SNX14: variants seen among roughly 807,000 people sequenced by gnomAD.
The protein encoded by SNX14 is sorting nexin 14, also known as sorting nexin-14.
In SNX14, 93 loss-of-function variants were observed where a neutral mutation model predicts 133.8. That is an observed-to-expected ratio of 0.70 (90% CI 0.59 to 0.83). The LOEUF (loss-of-function observed/expected upper bound fraction) is 0.83. Ranked by LOEUF, SNX14 falls within the 40% of genes least tolerant of loss-of-function variation. SNX14 has a pLI of 0.00. For synonymous variants in SNX14, 368 were observed against 365.6 expected (o/e 1.01, Z -0.07); for missense variants, 945 against 1,094.9 (o/e 0.86, Z 1.93).
intron 14 of SNX14, 90 bp from the exon 15 acceptor site, chr6:85,542,133 G>GAA: frequency 4.4e-5 from 30 of 684,146 alleles, no homozygotes; most frequent in Middle Eastern, 4.8e-4. Context: ...CCAGTTTTGG[G>GAA]AAAAAAAAAA....
intron 1 of SNX14, among the ~76,000 whole-genome samples, chr6:85,580,106 G>C (rs1798582252): frequency 6.6e-6 from 1 of 152,150 alleles, no homozygotes; most frequent in South Asian, 2.1e-4. Flanking sequence ...GGAGAGGAGA[G>C]GGGAAAGTAA....
In SNX14 at chr6:85,542,043, A is replaced by C; in HGVS notation, c.1390T>G (p.Tyr464Asp). 1 of 1,560,120 alleles carries C rather than the reference A, an allele frequency of 6.4e-7. No homozygotes were observed. Among genetic ancestry groups the C allele is most frequent in the Non-Finnish European group, 8.7e-7 (1 of 1,149,154 alleles). The change falls in exon 15 of 29, where the codon TAT becomes GAT. Residue 464 changes from tyrosine (Y) to aspartate (D), a missense_variant and splice_region_variant. Physicochemically the swap from Tyr to Asp is radical, Grantham distance 160. Around this residue, in one of 3 missense-constraint regions of SNX14, gnomAD observed 514 missense variants for 538.8 expected, o/e 0.95. Transcript: ENST00000314673. ...FTPMFCHSDEYFRQLLRGAES... is the reference protein window; with the variant it reads ...FTPMFCHSDEDFRQLLRGAES... Reference sequence around the variant, plus strand: ...GCACCTCTTAAAAGTTGTCTGAAATACTTTAAAATAACAAATAATAATTAT... The same window carrying C: ...GCACCTCTTAAAAGTTGTCTGAAATCCTTTAAAATAACAAATAATAATTAT...
chr6:85,593,814 C>A lies in SNX14; in HGVS notation c.-96G>T. The A allele has an allele frequency of 6.4e-7, 1 of 1,571,288 alleles. No individual in the cohort carries two copies. Among genetic ancestry groups the A allele is most frequent in the Non-Finnish European group, 8.6e-7 (1 of 1,164,124 alleles). Reference sequence around the variant, plus strand: ...TCGCGTCCCCGCCCCACCGACTTGGCGGCGCACACAGACGCCTACCGGCAG... The same window carrying A: ...TCGCGTCCCCGCCCCACCGACTTGGAGGCGCACACAGACGCCTACCGGCAG... On this transcript the variant is annotated 5_prime_UTR_variant, in exon 1 of 29. Transcript: ENST00000314673.
At position 85,574,333 on chromosome 6, in the gene SNX14, A is replaced by G. The variant is rs769615383; in HGVS notation, c.186T>C (p.Val62=). ...LMIFWSFVAG[V]VTFYCSLGPD... ...GTCCTAGTGAGCAGTAGAATGTGAC[A>G]ACTCCAGCAACAAATGACCAGAAGA... The change falls in exon 2 of 29, where the codon GTT becomes GTC. Residue 62 remains valine, a synonymous_variant. Transcript: ENST00000314673. The G allele has an allele frequency of 6.3e-7, 1 of 1,579,818 alleles. No individual in the cohort carries two copies. Among genetic ancestry groups the G allele is most frequent in the South Asian group, 1.1e-5 (1 of 88,870 alleles).
chr6:85,519,783 C>A (rs1045485431), intron 21 of SNX14, among the ~76,000 whole-genome samples: 2 of 152,110 alleles, frequency 1.3e-5, no homozygotes, highest in South Asian at 4.1e-4. Context: ...GCAGGAGAAT[C>A]GCTTGAACCC....
intron 21 of SNX14, 149 bp from the exon 22 acceptor site, chr6:85,518,197 A>C: frequency 1.6e-6 from 1 of 609,490 alleles, no homozygotes; most frequent in Non-Finnish European, 2.8e-6. Context: ...ACTCCATGGA[A>C]ATTTTCAATA....
intron 1 of SNX14, among the ~76,000 whole-genome samples, chr6:85,577,664 A>C (rs1200915226): frequency 6.6e-6 from 1 of 152,200 alleles, no homozygotes; most frequent in Non-Finnish European, 1.5e-5. Context: ...GAGTTAAAAA[A>C]GAAATGAGCA....
chr6:85,588,575 C>A (rs1284643769), intron 1 of SNX14, among the ~76,000 whole-genome samples: 8 of 148,954 alleles, frequency 5.4e-5, no homozygotes, highest in East Asian at 2.0e-4. Context: ...GACTCCGTCT[C>A]TAAATAAATA....
At chr6:85,584,603 C>T (rs898426413) in intron 1 of SNX14, among the ~76,000 whole-genome samples, 8 of 152,102 alleles carry the variant, frequency 5.3e-5, no homozygotes, top group African/African-American at 1.9e-4. Context: ...CAAACAGATC[C>T]TTCTCAAAAG....
intron 26 of SNX14, among the ~76,000 whole-genome samples, chr6:85,509,611 C>T (rs1042185864): frequency 2.6e-5 from 4 of 152,104 alleles, no homozygotes; most frequent in African/African-American, 7.2e-5. Flanking sequence ...CTTGTCTCCC[C>T]GACTATCAAC....
intron 6 of SNX14, among the ~76,000 whole-genome samples, chr6:85,563,380 C>T (rs961283442): frequency 6.6e-6 from 1 of 152,070 alleles, no homozygotes; most frequent in East Asian, 1.9e-4. Context: ...AAATACAGCT[C>T]GAGAAAAATA....
intron 19 of SNX14, 65 bp downstream of exon 19, chr6:85,530,127 G>C: frequency 1.1e-6 from 1 of 918,524 alleles, no homozygotes; most frequent in Non-Finnish European, 1.7e-6. Flanking sequence ...AAATTAATCT[G>C]GTGTCATAGT....
intron 4 of SNX14, chr6:85,568,278 A>G (rs1384159897): frequency 1.3e-5 from 2 of 152,220 alleles, no homozygotes; most frequent in Non-Finnish European, 2.9e-5. Context: ...TCCTAACTTT[A>G]TAAGTCAGTA....
chr6:85,532,300 T>A (rs559031797), intron 18 of SNX14, among the ~76,000 whole-genome samples: 1 of 152,308 alleles, frequency 6.6e-6, no homozygotes, highest in East Asian at 1.9e-4. Context: ...CTACTAAGAC[T>A]GAACAGCAAC....
chr6:85,590,932 C>A (rs1802567007), intron 1 of SNX14, among the ~76,000 whole-genome samples: 1 of 152,180 alleles, frequency 6.6e-6, no homozygotes, highest in African/African-American at 2.4e-5. Context: ...AGCTGCAAAC[C>A]TCAATCCATA....
intron 16 of SNX14, among the ~76,000 whole-genome samples, chr6:85,537,595 TC>T (rs1297592460): frequency 1.3e-5 from 2 of 152,176 alleles, no homozygotes; most frequent in Non-Finnish European, 2.9e-5. Flanking sequence ...AGCAAAAATG[TC>T]CGTTAGCCTG....
At position 85,559,775 on chromosome 6, in the gene SNX14, T is replaced by TA. The variant is rs752754820; in HGVS notation, c.550-1716dup. On this transcript the variant is annotated intron_variant, in intron 6 of 28. Transcript: ENST00000314673. The stretch of plus-strand genomic sequence containing the variant: ...TTATCTGATAAAGGACATGTATCCA[T>TA]ATAAGTAACTTTTACAACTCAGTAA... 2.0e-5 allele frequency among the ~76,000 whole-genome samples: 3 copies of TA among 152,182 alleles called. No homozygotes were observed. In the East Asian group the frequency reaches 5.8e-4, roughly 29 times the overall value.
chr6:85,546,261 C>G (rs1291808699), intron 12 of SNX14, among the ~76,000 whole-genome samples: 1 of 152,134 alleles, frequency 6.6e-6, no homozygotes, highest in Non-Finnish European at 1.5e-5. Context: ...CGTGGATGTA[C>G]ACACATGCAA....
chr6:85,515,566 G>C (rs1167413590), intron 23 of SNX14, among the ~76,000 whole-genome samples: 1 of 152,012 alleles, frequency 6.6e-6, no homozygotes, highest in Admixed American at 6.6e-5. Context: ...AAGTATATTC[G>C]ATTTTACCTG....
Sources: gnomAD v4.1 joint callset for allele counts (sites outside exome capture counted in the v4.1 genomes callset) on GRCh38, gnomAD v4.1.1 for gene constraint, gnomAD v4.1.1 regional missense constraint, MANE v1.5 for transcripts, NCBI Gene and HGNC (gene_info 2026-07-23, HGNC 2026-07-21) for gene names.